KLHL13: variants seen among roughly 807,000 people sequenced by gnomAD.
The protein encoded by KLHL13 is kelch-like protein 13.
KLHL13 carries 10 observed loss-of-function variants against 37.1 expected under a neutral mutation model. The observed-to-expected ratio is 0.27, with a 90% CI of 0.17 to 0.46. KLHL13 has a LOEUF of 0.46. KLHL13 is among the 20% of genes least tolerant of loss of function. The pLI, the probability that KLHL13 is intolerant of heterozygous loss-of-function variation, is 1.00. For synonymous variants in KLHL13, 163 were observed against 181.2 expected, an observed-to-expected ratio of 0.90 and a Z score of 0.81; for missense variants, 360 against 509.3, an observed-to-expected ratio of 0.71 and a Z score of 2.82.
intron 1 of KLHL13, among the ~76,000 whole-genome samples, chrX:118,010,229 C>T (rs371438780): frequency 1.2e-5 from 1 of 86,901 alleles, no homozygotes; most frequent in African/African-American, 4.3e-5. Flanking sequence ...ACCCAGCCAT[C>T]CCATTACTGG....
intron 1 of KLHL13, among the ~76,000 whole-genome samples, chrX:118,032,344 T>A (rs2054363881): frequency 8.9e-6 from 1 of 112,110 alleles, no homozygotes; most frequent in South Asian, 3.7e-4. Flanking sequence ...TGTCCCTGTC[T>A]GACAGCTTTG....
chrX:117,916,158 C>CA (rs1293758370), intron 4 of KLHL13, among the ~76,000 whole-genome samples: 1 of 93,549 alleles, frequency 1.1e-5, no homozygotes, highest in African/African-American at 3.9e-5. Flanking sequence ...CACTCCGCCT[C>CA]AAAAAACAAA....
chrX:117,947,353 G>T (rs1394342637), intron 1 of KLHL13: 1 of 111,963 alleles, frequency 8.9e-6, no homozygotes, highest in African/African-American at 3.2e-5. Context: ...TCCTCTGAAT[G>T]AATACAGAAT....
At chrX:117,906,655 T>C (rs1930562516) in intron 5 of KLHL13, among the ~76,000 whole-genome samples, 1 of 111,410 alleles carries the variant, frequency 9.0e-6, no homozygotes, top group Non-Finnish European at 1.9e-5. Flanking sequence ...AATCACAAAA[T>C]ATTTTTTAAA....
At chrX:117,932,871 ATT>A (rs1932530175) in intron 2 of KLHL13, among the ~76,000 whole-genome samples, 1 of 111,423 alleles carries the variant, frequency 9.0e-6, no homozygotes, top group African/African-American at 3.3e-5. Context: ...CATCACCAGA[ATT>A]TGTTATATTT....
chrX:118,104,647 G>A (rs1261072114), intron 1 of KLHL13, among the ~76,000 whole-genome samples: 3 of 112,009 alleles, frequency 2.7e-5, no homozygotes, highest in African/African-American at 9.7e-5. Context: ...GCAATTTGGA[G>A]CTAGACTGCA....
At position 117,930,246 on chromosome X, in the gene KLHL13, A is replaced by G. The variant is rs5011168; in HGVS notation, c.241-9876T>C. Among the ~76,000 whole-genome samples the G allele has an allele frequency of 4.5e-3, 263 of 58,611 alleles. 4 individuals carry two copies. Among genetic ancestry groups the G allele is most frequent in the African/African-American group, 0.017 (234 of 13,628 alleles). The allele number at this position is 58,611 out of a possible 115,157, so 50.9% of individuals were successfully genotyped here. A position where few individuals can be genotyped will look rare whatever the true frequency, so the allele number is the denominator to read the frequency against. Reference sequence around the variant, plus strand: ...GAAGGAAGGAAGGAAGGAAGGGAGGAAGGAAGGAAGGAAGGAAGGAAGGAA... The same window carrying G: ...GAAGGAAGGAAGGAAGGAAGGGAGGGAGGAAGGAAGGAAGGAAGGAAGGAA... On this transcript the variant is annotated intron_variant, in intron 2 of 6. Transcript: ENST00000262820.
intron 1 of KLHL13, among the ~76,000 whole-genome samples, 155 bp downstream of exon 1, chrX:118,116,353 G>C (rs892895296): frequency 7.1e-5 from 8 of 112,509 alleles, no homozygotes; most frequent in African/African-American, 2.6e-4. Flanking sequence ...GGGAGAAAAA[G>C]AGGGGGCGGC....
intron 1 of KLHL13, among the ~76,000 whole-genome samples, chrX:118,036,021 G>A (rs2054434775): frequency 9.8e-6 from 1 of 102,323 alleles, no homozygotes; most frequent in Non-Finnish European, 1.9e-5. Flanking sequence ...AAATACCTAG[G>A]AGTCCAACTT....
At chrX:117,966,954 T>C (rs1022219828) in intron 1 of KLHL13, among the ~76,000 whole-genome samples, 1 of 111,267 alleles carries the variant, frequency 9.0e-6, no homozygotes, top group African/African-American at 3.3e-5. Context: ...AACCATAAAA[T>C]CCCTTGAAGA....
At chrX:118,019,293 T>C (rs1359088936) in intron 1 of KLHL13, among the ~76,000 whole-genome samples, 1 of 111,741 alleles carries the variant, frequency 8.9e-6, no homozygotes, top group Admixed American at 9.5e-5. Flanking sequence ...ATGTCTTCTT[T>C]TGAGAAGTGT....
intron 1 of KLHL13, among the ~76,000 whole-genome samples, chrX:118,035,199 T>C (rs901889312): frequency 3.3e-4 from 35 of 104,943 alleles, no homozygotes; most frequent in Non-Finnish European, 5.2e-4. Flanking sequence ...CTGAAACTAT[T>C]CCAATCAATA....
chrX:118,013,136 T>C (rs1217815622), intron 1 of KLHL13, among the ~76,000 whole-genome samples: 2 of 112,059 alleles, frequency 1.8e-5, no homozygotes, highest in African/African-American at 6.5e-5. Context: ...GCCTGGCCTC[T>C]TGGAGCTTCT....
At chrX:118,052,077 G>A (rs1348742441) in intron 1 of KLHL13, among the ~76,000 whole-genome samples, 1 of 111,671 alleles carries the variant, frequency 9.0e-6, no homozygotes, top group African/African-American at 3.3e-5. Flanking sequence ...TATCATGAAT[G>A]TGGCAATTGA....
At chrX:117,916,116 C>G (rs1931337318) in intron 4 of KLHL13, among the ~76,000 whole-genome samples, 1 of 111,085 alleles carries the variant, frequency 9.0e-6, no homozygotes, top group Admixed American at 9.5e-5. Context: ...CAAGATCCTG[C>G]CATTGCACTC....
chrX:117,912,750 A>C (rs1931069808), intron 4 of KLHL13, among the ~76,000 whole-genome samples: 2 of 111,719 alleles, frequency 1.8e-5, no homozygotes, highest in South Asian at 7.4e-4. Flanking sequence ...TATTTCTTTC[A>C]GTTTTTAATT....
intron 1 of KLHL13, among the ~76,000 whole-genome samples, chrX:118,082,883 A>G (rs2055011866): frequency 9.0e-6 from 1 of 111,155 alleles, no homozygotes; most frequent in South Asian, 3.8e-4. Flanking sequence ...TGTTCCTAAC[A>G]CCTCTGTTAA....
At chrX:118,052,793 C>T (rs1454565415) in intron 1 of KLHL13, among the ~76,000 whole-genome samples, 1 of 108,987 alleles carries the variant, frequency 9.2e-6, no homozygotes, top group East Asian at 2.9e-4. Flanking sequence ...TACCACTGCA[C>T]GCCAGTCAGG....
intron 1 of KLHL13, among the ~76,000 whole-genome samples, chrX:118,031,129 C>T (rs1468553405): frequency 6.3e-5 from 7 of 110,666 alleles, no homozygotes; most frequent in African/African-American, 2.3e-4. Context: ...TTCCTGCCTT[C>T]CACAGACCAG....
Sources: gnomAD v4.1 joint callset for allele counts (sites outside exome capture counted in the v4.1 genomes callset) on GRCh38, gnomAD v4.1.1 for gene constraint, MANE v1.5 for transcripts, NCBI Gene and HGNC (gene_info 2026-07-23, HGNC 2026-07-21) for gene names.